The following ZEB1 variants were observed in gnomAD, a reference collection of about 807,000 sequenced individuals.
ZEB1 encodes zinc finger E-box binding homeobox 1.
ZEB1 carries 21 observed loss-of-function variants against 84.9 expected under a neutral mutation model. The ratio of observed to expected loss-of-function variants is 0.25; its 90% CI spans 0.18 to 0.36. The LOEUF (loss-of-function observed/expected upper bound fraction) is 0.36, where lower values mean the gene tolerates loss of function less well. ZEB1 is among the 10% of genes least tolerant of loss of function. ZEB1 has a pLI of 1.00. For synonymous variants in ZEB1, 420 were observed against 471.1 expected, an observed-to-expected ratio of 0.89 and a Z score of 1.41; for missense variants, 1,104 against 1,330.2, an observed-to-expected ratio of 0.83 and a Z score of 2.65.
At chr10:31,334,203 T>G (rs575569992) in intron 1 of ZEB1, among the ~76,000 whole-genome samples, 59 of 152,206 alleles carry the variant, frequency 3.9e-4, no homozygotes, top group Non-Finnish European at 7.7e-4. Flanking sequence ...GTATGGAACA[T>G]TGTATTCCAC....
chr10:31,418,868 C>T (rs535553158), intron 1 of ZEB1, among the ~76,000 whole-genome samples: 2 of 151,980 alleles, frequency 1.3e-5, no homozygotes, highest in African/African-American at 2.4e-5. Context: ...ATATGATGCT[C>T]AAAGGAAATG....
At chr10:31,338,968 A>G (rs964727141) in intron 1 of ZEB1, among the ~76,000 whole-genome samples, 2 of 152,198 alleles carry the variant, frequency 1.3e-5, no homozygotes, top group Admixed American at 6.5e-5. Flanking sequence ...CTCATAGTAA[A>G]ATAGAGTTAG....
At chr10:31,415,519 A>T (rs1002147544) in intron 1 of ZEB1, among the ~76,000 whole-genome samples, 9 of 151,574 alleles carry the variant, frequency 5.9e-5, no homozygotes, top group African/African-American at 1.2e-4. Flanking sequence ...CTATACTTTT[A>T]AAAAAATTAT....
intron 3 of ZEB1, among the ~76,000 whole-genome samples, chr10:31,498,219 A>T (rs966078845): frequency 5.9e-5 from 9 of 152,188 alleles, no homozygotes; most frequent in Admixed American, 4.6e-4. Context: ...TTTAAATTTT[A>T]AAAAACTGCA....
At chr10:31,460,559 T>C (rs938755630) in intron 1 of ZEB1, among the ~76,000 whole-genome samples, 5 of 151,978 alleles carry the variant, frequency 3.3e-5, no homozygotes, top group Non-Finnish European at 5.9e-5. Flanking sequence ...TATCGTATGC[T>C]GTAGGCTCGT....
At chr10:31,515,022 A>G (rs2070807891) in intron 6 of ZEB1, among the ~76,000 whole-genome samples, 1 of 152,082 alleles carries the variant, frequency 6.6e-6, no homozygotes, top group African/African-American at 2.4e-5. Flanking sequence ...CCTTTGCACA[A>G]TTAGCAGGGG....
chr10:31,375,376 C>G (rs1048147585), intron 1 of ZEB1, among the ~76,000 whole-genome samples: 2 of 151,638 alleles, frequency 1.3e-5, no homozygotes, highest in Non-Finnish European at 3.0e-5. Flanking sequence ...TTGGAATGTA[C>G]ATGATATTCA....
At position 31,521,903 on chromosome 10, in the gene ZEB1, A is replaced by G. The variant is rs1170411743; in HGVS notation, c.2571A>G (p.Pro857=). Residue 857 remains proline (P), a synonymous_variant, in exon 7 of 9, where the codon CCA becomes CCG. Transcript: ENST00000424869. ...STTVSPAVQE[P]PLKVIQPNGN... ...CGGTCAGCCCTGCAGTCCAAGAACCACCCTTGAAAGTGATCCAGCCAAATG... is the reference window on the plus strand; with the variant it reads ...CGGTCAGCCCTGCAGTCCAAGAACCGCCCTTGAAAGTGATCCAGCCAAATG... The G allele has an allele frequency of 6.2e-7, 1 of 1,613,848 alleles. No individual in the cohort carries two copies. The highest frequency in any genetic ancestry group is 8.5e-7 in the Non-Finnish European group (1 of 1,179,958).
intron 1 of ZEB1, among the ~76,000 whole-genome samples, chr10:31,337,987 CATA>C (rs1266708054): frequency 6.6e-6 from 1 of 151,958 alleles, no homozygotes; most frequent in African/African-American, 2.4e-5. Flanking sequence ...CCGGCCTAAG[CATA>C]ATAATTTCTA....
At chr10:31,399,636 A>T (rs2051533691) in intron 1 of ZEB1, among the ~76,000 whole-genome samples, 1 of 152,080 alleles carries the variant, frequency 6.6e-6, no homozygotes, top group South Asian at 2.1e-4. Flanking sequence ...TTTCCTGTTG[A>T]CTTAACTTCA....
At chr10:31,495,432 T>G (rs996410293) in intron 2 of ZEB1, among the ~76,000 whole-genome samples, 2 of 152,090 alleles carry the variant, frequency 1.3e-5, no homozygotes, top group Non-Finnish European at 2.9e-5. Context: ...TTCGTGAGTT[T>G]GGTAAGACTG....
In ZEB1 at chr10:31,349,564, G is replaced by GC. The variant is rs898022017; in HGVS notation, c.58+30273dup. On this transcript the variant is annotated intron_variant, in intron 1 of 8. Coordinates refer to ENST00000424869, the MANE Select transcript of ZEB1 (RefSeq NM_001174096.2). ...AGCGTACAGGGGTTTCCTTCTCTCT[G>GC]CATCCTCATCAGCACTTGTTCTGTT... Among the ~76,000 whole-genome samples, 10 of 152,180 alleles carry GC rather than the reference G, an allele frequency of 6.6e-5. 1 individual carries two copies. Among genetic ancestry groups the GC allele is most frequent in the African/African-American group, 2.4e-4 (10 of 41,524 alleles).
chr10:31,387,305 G>C, intron 1 of ZEB1: 1 of 985,584 alleles, frequency 1.0e-6, no homozygotes. Flanking sequence ...GTGGGCCCAG[G>C]CTCCTAACCT....
rs895520254 is a variant in ZEB1 at position 31,529,001 on chromosome 10, T to G, written c.*1737T>G. On this transcript the variant is annotated 3_prime_UTR_variant, in exon 9 of 9. Transcript: ENST00000424869. ...TCAGCCTAACCATACAACTCTCATTTCCTTAGTAAGCCAAATTAGGATTAA... is the reference window on the plus strand; with the variant it reads ...TCAGCCTAACCATACAACTCTCATTGCCTTAGTAAGCCAAATTAGGATTAA... 1 of 152,222 alleles carries G rather than the reference T, an allele frequency of 6.6e-6. No individual in the cohort carries two copies. The highest frequency in any genetic ancestry group is 2.4e-5 in the African/African-American group (1 of 41,464). 9.4% of individuals were successfully genotyped at this position (152,222 alleles called of 1,614,324 possible). A position where few individuals can be genotyped will look rare whatever the true frequency, so the allele number is the denominator to read the frequency against.
chr10:31,350,398 T>C (rs1420669312), intron 1 of ZEB1, among the ~76,000 whole-genome samples: 1 of 152,174 alleles, frequency 6.6e-6, no homozygotes, highest in Non-Finnish European at 1.5e-5. Flanking sequence ...TCTATTCTTA[T>C]TCCAAAGTGA....
At chr10:31,488,968 T>C (rs1201090555) in intron 2 of ZEB1, among the ~76,000 whole-genome samples, 1 of 151,308 alleles carries the variant, frequency 6.6e-6, no homozygotes, top group Non-Finnish European at 1.5e-5. Flanking sequence ...TATAAATCTA[T>C]AAATGTTATT....
At chr10:31,456,807 C>T (rs975542329) in intron 1 of ZEB1, among the ~76,000 whole-genome samples, 3 of 152,098 alleles carry the variant, frequency 2.0e-5, no homozygotes, top group South Asian at 2.1e-4. Context: ...GAAAACACTT[C>T]TCTAGTCCTT....
chr10:31,485,613 C>A (rs1343817737), intron 2 of ZEB1, among the ~76,000 whole-genome samples: 3 of 151,816 alleles, frequency 2.0e-5, no homozygotes, highest in African/African-American at 7.2e-5. Flanking sequence ...TTTTAAAAAT[C>A]TGTAAACACT....
At chr10:31,404,531 T>C (rs161236) in intron 1 of ZEB1, among the ~76,000 whole-genome samples, 11,996 of 152,244 alleles carry the variant, frequency 0.079, 679 homozygotes, top group African/African-American at 0.16. Flanking sequence ...AATACATATT[T>C]AGTTGTATTT....
Sources: allele counts gnomAD v4.1 joint callset (sites outside exome capture counted in the v4.1 genomes callset), GRCh38; gene constraint gnomAD v4.1.1; transcripts MANE v1.5; gene names NCBI Gene and HGNC (gene_info 2026-07-23, HGNC 2026-07-21).